Variants in MYO16 observed in about 807,000 individuals in gnomAD.
MYO16 encodes unconventional myosin-XVI.
In MYO16, 94 loss-of-function variants were observed where a neutral mutation model predicts 205.3. That is an observed-to-expected ratio of 0.46 (90% CI 0.39 to 0.54). The LOEUF (loss-of-function observed/expected upper bound fraction) is 0.54, where lower values mean the gene tolerates loss of function less well. MYO16 is among the 20% of genes least tolerant of loss of function. The pLI is 0.00. For missense variants in MYO16, 2,315 were observed against 2,387.5 expected (o/e 0.97, Z 0.63); for synonymous variants, 988 against 954.0 (o/e 1.04, Z -0.66).
intron 14 of MYO16, among the ~76,000 whole-genome samples, chr13:108,893,837 A>C (rs4531593): frequency 1.3e-4 from 19 of 151,994 alleles, no homozygotes; most frequent in African/African-American, 4.6e-4. Flanking sequence ...ATTTTGCCTC[A>C]AATCCTAGGA....
At chr13:108,993,405 T>C (rs1884901699) in intron 21 of MYO16, among the ~76,000 whole-genome samples, 1 of 152,114 alleles carries the variant, frequency 6.6e-6, no homozygotes, top group Non-Finnish European at 1.5e-5. Context: ...TCTCATACTG[T>C]ATATGATTAA....
Position 109,140,629 on chromosome 13 carries a change from C to A in MYO16, c.4417C>A (p.Leu1473Met). ...CGGCGGCCCGGGCGCGGGCTCCTTC[C>A]TGCTCCACGGCGCATCGCCGCCCCT... The part of the protein sequence containing the change: ...DDGGPGAGSF[L>M]LHGASPPLLH... The change falls in exon 32 of 35, where the codon CTG becomes ATG. Residue 1473 changes from leucine (L) to methionine (M), a missense_variant. Transcript: ENST00000457511. This position sits in a 1 kb window ranked among gnomAD's most constrained non-coding sequence, Gnocchi z 8.0. 4.6e-6 allele frequency: 7 copies of A among 1,518,134 alleles called. No individual in the cohort carries two copies. Among genetic ancestry groups the A allele is most frequent in the Non-Finnish European group, 6.2e-6 (7 of 1,137,796 alleles). 94.0% of individuals were successfully genotyped at this position (1,518,134 alleles called of 1,614,324 possible).
the MYO16 span, among the ~76,000 whole-genome samples, chr13:108,554,233 C>G: frequency 1.4e-5 from 2 of 139,212 alleles, no homozygotes; most frequent in South Asian, 4.8e-4. Context: ...CTGTGTTGCT[C>G]TGCCTTAAAA....
In MYO16 at chr13:108,898,130, G is replaced by A. The variant is rs772342695; in HGVS notation, c.1774G>A (p.Gly592Arg). ...CTGTGAGAGGAAACAACAGCTAACC[G>A]GAGGTAAGTGCAGTATTTGACAACG... Reference protein sequence around the residue: ...QFCERKQQLTGARIYTYLLEK... With the variant: ...QFCERKQQLTRARIYTYLLEK... The change falls in exon 15 of 35, where the codon GGA becomes AGA. Residue 592 changes from glycine (G) to arginine (R), a missense_variant. Physicochemically the swap from Gly to Arg is moderately radical, Grantham distance 125 (BLOSUM62 -2). Transcript: ENST00000457511. The A allele has an allele frequency of 1.0e-4, 168 of 1,604,208 alleles. No individual in the cohort carries two copies. Among genetic ancestry groups the A allele is most frequent in the Non-Finnish European group, 1.3e-4 (150 of 1,171,072 alleles).
At chr13:108,735,961 A>G (rs1884682996) in intron 4 of MYO16, among the ~76,000 whole-genome samples, 1 of 149,018 alleles carries the variant, frequency 6.7e-6, no homozygotes, top group African/African-American at 2.5e-5. Flanking sequence ...GTGTCTGTTC[A>G]TGTCCTTTGC....
At chr13:109,176,577 T>TAAAAAAAAAACAAAAAAAAAAAAAA (rs1879189906) in intron 33 of MYO16, among the ~76,000 whole-genome samples, 1 of 44,942 alleles carries the variant, frequency 2.2e-5, no homozygotes. Flanking sequence ...ATTGTGCTGG[T>TAAAAAAAAAACAAAAAAAAAAAAAA]AAAAAAAAAA....
At chr13:108,963,260 C>T (rs1461835044) in intron 19 of MYO16, among the ~76,000 whole-genome samples, 6 of 152,166 alleles carry the variant, frequency 3.9e-5, no homozygotes, top group Non-Finnish European at 7.3e-5. Context: ...TTCTCTATGG[C>T]CTTTTGGGCC....
At chr13:108,581,216 G>A in the MYO16 span, among the ~76,000 whole-genome samples, 2 of 152,060 alleles carry the variant, frequency 1.3e-5, no homozygotes, top group African/African-American at 4.8e-5. Context: ...ATTCACTAAA[G>A]TCATATAGCA....
chr13:109,020,718 C>G (rs552853936), intron 23 of MYO16, among the ~76,000 whole-genome samples: 5 of 152,274 alleles, frequency 3.3e-5, no homozygotes, highest in Non-Finnish European at 5.9e-5. Context: ...ATGTACAGCT[C>G]TCTGTCTCCT....
intron 21 of MYO16, among the ~76,000 whole-genome samples, chr13:108,998,307 G>A (rs971998385): frequency 6.6e-6 from 1 of 152,120 alleles, no homozygotes; most frequent in Admixed American, 6.5e-5. Context: ...TGGCTTAGTT[G>A]CATCAGTAAT....
intron 21 of MYO16, among the ~76,000 whole-genome samples, chr13:108,997,285 C>G (rs1230631745): frequency 1.4e-5 from 2 of 141,336 alleles, no homozygotes; most frequent in Non-Finnish European, 3.0e-5. Flanking sequence ...CAGAACAAGA[C>G]CATGCAGAAA....
At chr13:109,028,936 G>A (rs971081405) in intron 23 of MYO16, among the ~76,000 whole-genome samples, 19 of 151,722 alleles carry the variant, frequency 1.3e-4, no homozygotes, top group African/African-American at 4.6e-4. Flanking sequence ...TTTAAAAATA[G>A]CGTATCTCTA....
In MYO16 at chr13:108,998,732, C is replaced by G. The variant is rs182300489; in HGVS notation, c.2442+6284C>G. On this transcript the variant is annotated intron_variant, in intron 21 of 34. Coordinates refer to ENST00000457511, the MANE Select transcript of MYO16 (RefSeq NM_001198950.3). ...GGCCAATGCCATGTGAAGCTTCCAT[C>G]AATCGCGAATCTAGAGGGTGACACT... Among the ~76,000 whole-genome samples the G allele has an allele frequency of 2.6e-4, 39 of 152,278 alleles. No individual in the cohort carries two copies. The Middle Eastern group carries it at 0.014, about 53-fold the overall frequency.
the MYO16 span, among the ~76,000 whole-genome samples, chr13:108,498,656 G>T: frequency 1.3e-5 from 2 of 152,164 alleles, no homozygotes; most frequent in East Asian, 3.9e-4. Flanking sequence ...AATTTAACCA[G>T]GTGGACTTTA....
intron 12 of MYO16, among the ~76,000 whole-genome samples, chr13:108,866,816 G>T (rs74119682): frequency 9.9e-5 from 15 of 152,204 alleles, no homozygotes; most frequent in African/African-American, 3.6e-4. Context: ...CAACAAGGCT[G>T]GTTCCGCTAA....
intron 4 of MYO16, among the ~76,000 whole-genome samples, chr13:108,746,029 A>C (rs1025823181): frequency 5.9e-5 from 7 of 119,416 alleles, no homozygotes; most frequent in African/African-American, 2.3e-4. Flanking sequence ...CTACTAAAAA[A>C]ATACAAAAAA....
At chr13:108,503,881 G>C in the MYO16 span, among the ~76,000 whole-genome samples, 3 of 152,126 alleles carry the variant, frequency 2.0e-5, no homozygotes, top group South Asian at 4.1e-4. Context: ...ATTAATATGA[G>C]AGTTTGCTTA....
chr13:108,740,601 C>T (rs952773813), intron 4 of MYO16, among the ~76,000 whole-genome samples: 1 of 152,178 alleles, frequency 6.6e-6, no homozygotes, highest in Admixed American at 6.5e-5. Context: ...CTTGTGGAGG[C>T]AGTCTGTCCG....
At chr13:108,648,400 C>A (rs915988145) in intron 1 of MYO16, among the ~76,000 whole-genome samples, 2 of 152,180 alleles carry the variant, frequency 1.3e-5, no homozygotes, top group East Asian at 1.9e-4. Flanking sequence ...TATCTTCTAC[C>A]TTTTTATGTC....
Sources: gnomAD v4.1 joint callset for allele counts (sites outside exome capture counted in the v4.1 genomes callset) on GRCh38, gnomAD v4.1.1 for gene constraint, Gnocchi (gnomAD v3.1) non-coding constraint, MANE v1.5 for transcripts, NCBI Gene and HGNC (gene_info 2026-07-23, HGNC 2026-07-21) for gene names.